The following MAP3K2 variants were observed in gnomAD, a reference collection of about 807,000 sequenced individuals.
The protein encoded by MAP3K2 is mitogen-activated protein kinase kinase kinase 2.
MAP3K2 carries 24 observed loss-of-function variants against 80.3 expected under a neutral mutation model. The ratio of observed to expected loss-of-function variants is 0.30; its 90% CI spans 0.22 to 0.42. The LOEUF is 0.42. MAP3K2 is among the 10% of genes least tolerant of loss of function. MAP3K2 has a pLI of 1.00. For missense variants in MAP3K2, 608 were observed against 750.1 expected, an observed-to-expected ratio of 0.81 and a Z score of 2.21; for synonymous variants, 244 against 253.7, an observed-to-expected ratio of 0.96 and a Z score of 0.36.
At chr2:127,370,422 G>C (rs1245552980) in intron 1 of MAP3K2, among the ~76,000 whole-genome samples, 3 of 152,204 alleles carry the variant, frequency 2.0e-5, no homozygotes, top group African/African-American at 4.8e-5. Flanking sequence ...CAGAACCCTT[G>C]AAAATGAAGG....
chr2:127,383,935 G>A (rs994620771), intron 1 of MAP3K2, among the ~76,000 whole-genome samples: 6 of 148,826 alleles, frequency 4.0e-5, no homozygotes, highest in African/African-American at 1.2e-4. Flanking sequence ...GTGCAGTGGC[G>A]CCATCTCTGC....
chr2:127,351,767 T>G (rs1178135789), intron 1 of MAP3K2, among the ~76,000 whole-genome samples: 1 of 152,128 alleles, frequency 6.6e-6, no homozygotes, highest in African/African-American at 2.4e-5. Flanking sequence ...ATGTTAATGC[T>G]CTCTCTCTGT....
chr2:127,303,135 T>A lies in MAP3K2; in HGVS notation c.*4444A>T, dbSNP rs1399566095. 1 of 152,000 alleles carries A rather than the reference T, an allele frequency of 6.6e-6. No homozygotes were observed. Among genetic ancestry groups the A allele is most frequent in the South Asian group, 2.1e-4 (1 of 4,826 alleles). The allele number at this position is 152,000 out of a possible 1,614,324, so 9.4% of individuals were successfully genotyped here. On this transcript the variant is annotated 3_prime_UTR_variant, in exon 17 of 17. Transcript: ENST00000682094. ...ATTAACATTTAACCAATCTTAAAAT[T>A]CAAATAAATATGAACATTACATTTG... is the stretch of plus-strand genomic sequence containing the variant.
intron 15 of MAP3K2, among the ~76,000 whole-genome samples, chr2:127,314,539 T>G (rs1455290847): frequency 1.3e-5 from 2 of 152,218 alleles, no homozygotes; most frequent in Non-Finnish European, 2.9e-5. Context: ...TAAACTTTAC[T>G]GGTTCTGTGA....
At position 127,387,490 on chromosome 2, in the gene MAP3K2, G is replaced by A. The variant is rs931352591; in HGVS notation, c.-104C>T. On this transcript the variant is annotated 5_prime_UTR_variant, in exon 1 of 17. Transcript: ENST00000682094. ...GGGACGTAGAGAGCCGCAGGCCCAAGGAGGGGCCGCCCCCGCCGAGCCCGC... is the reference window on the plus strand; with the variant it reads ...GGGACGTAGAGAGCCGCAGGCCCAAAGAGGGGCCGCCCCCGCCGAGCCCGC... 1.3e-5 allele frequency: 13 copies of A among 985,010 alleles called. No homozygotes were observed. Among genetic ancestry groups the A allele is most frequent in the Admixed American group, 6.2e-5 (1 of 16,224 alleles). The allele number at this position is 985,010 out of a possible 1,614,324, so 61.0% of individuals were successfully genotyped here. A position where few individuals can be genotyped will look rare whatever the true frequency, so the allele number is the denominator to read the frequency against.
intron 15 of MAP3K2, among the ~76,000 whole-genome samples, chr2:127,312,373 G>C (rs758570087): frequency 2.0e-4 from 30 of 152,244 alleles, no homozygotes; most frequent in Non-Finnish European, 3.1e-4. Flanking sequence ...GACTTCACGG[G>C]TCTAAATTGA....
chr2:127,386,441 T>C (rs1687348321), intron 1 of MAP3K2, among the ~76,000 whole-genome samples: 1 of 152,188 alleles, frequency 6.6e-6, no homozygotes, highest in African/African-American at 2.4e-5. Context: ...AACGAACAAA[T>C]CACTAAATTG....
chr2:127,321,952 C>T lies in MAP3K2; in HGVS notation c.1045+94G>A, dbSNP rs1324633678. 2.7e-6 allele frequency: 3 copies of T among 1,102,660 alleles called. No individual in the cohort carries two copies. Among genetic ancestry groups the T allele is most frequent in the African/African-American group, 3.1e-5 (2 of 63,998 alleles). 68.3% of individuals were successfully genotyped at this position (1,102,660 alleles called of 1,614,324 possible). ...ACCTTTTTTGAGTAGTTCATCTGACCCCAAAAACTCACTTAGTATTTATTC... is the reference window on the plus strand; with the variant it reads ...ACCTTTTTTGAGTAGTTCATCTGACTCCAAAAACTCACTTAGTATTTATTC... On this transcript the variant is annotated intron_variant, in intron 12 of 16. Transcript: ENST00000682094. This position sits in a 1 kb window ranked among gnomAD's most constrained non-coding sequence, Gnocchi z 4.4.
At chr2:127,326,879 A>G (rs1442306795) in intron 7 of MAP3K2, 62 bp from the exon 8 acceptor site, 2 of 1,066,834 alleles carry the variant, frequency 1.9e-6, no homozygotes, top group Non-Finnish European at 1.3e-6. Flanking sequence ...TTTGTTTTAA[A>G]TAGGCTATAT....
In MAP3K2 at chr2:127,321,448, T is replaced by A. The variant is rs1324653191; in HGVS notation, c.1045+598A>T. Reference sequence around the variant, plus strand: ...GACACACTAGCACACAAAAAGGAATTCAGAGTATGCAAATAGTGCTGCAAT... The same window carrying A: ...GACACACTAGCACACAAAAAGGAATACAGAGTATGCAAATAGTGCTGCAAT... On this transcript the variant is annotated intron_variant, in intron 12 of 16. Transcript: ENST00000682094. This position sits in a 1 kb window ranked among gnomAD's most constrained non-coding sequence, Gnocchi z 4.4. Among the ~76,000 whole-genome samples the A allele has an allele frequency of 6.6e-6, 1 of 152,192 alleles. No individual in the cohort carries two copies. The highest frequency in any genetic ancestry group is 1.9e-4 in the East Asian group (1 of 5,196).
chr2:127,306,198 A>G lies in MAP3K2; in HGVS notation c.*1381T>C, dbSNP rs1685695050. 6.6e-6 allele frequency: 1 copy of G among 152,076 alleles called. No homozygotes were observed. The allele number at this position is 152,076 out of a possible 1,614,324, so 9.4% of individuals were successfully genotyped here. A position where few individuals can be genotyped will look rare whatever the true frequency, so the allele number is the denominator to read the frequency against. ...TTTGCGACTTCCTTTTCTTTCTTGC[A>G]TTTACTGCTTTGTAAATAGCTGTTT... On this transcript the variant is annotated 3_prime_UTR_variant, in exon 17 of 17. Coordinates refer to ENST00000682094, the MANE Select transcript of MAP3K2 (RefSeq NM_001371910.2). The surrounding 1 kb of genome is among the most constrained non-coding windows in gnomAD (Gnocchi z 4.7).
At chr2:127,365,749 A>G (rs1686961380) in intron 1 of MAP3K2, among the ~76,000 whole-genome samples, 1 of 152,144 alleles carries the variant, frequency 6.6e-6, no homozygotes, top group Non-Finnish European at 1.5e-5. Flanking sequence ...TCACCTGTAA[A>G]CGCTGAGCTG....
intron 11 of MAP3K2, among the ~76,000 whole-genome samples, chr2:127,323,275 G>A (rs192310919): frequency 4.9e-4 from 75 of 151,998 alleles, no homozygotes; most frequent in Middle Eastern, 3.4e-3. Context: ...AGAATCGCTT[G>A]AACCCAGGAG....
intron 1 of MAP3K2, among the ~76,000 whole-genome samples, chr2:127,382,116 G>A (rs555489859): frequency 1.3e-5 from 2 of 152,306 alleles, no homozygotes; most frequent in South Asian, 2.1e-4. Flanking sequence ...TGGTGGGGAT[G>A]GGTGTACAAA....
chr2:127,326,242 T>C (rs1253864568), intron 8 of MAP3K2, among the ~76,000 whole-genome samples: 3 of 119,588 alleles, frequency 2.5e-5, no homozygotes, highest in Admixed American at 2.1e-4. Context: ...AGTGTGAACA[T>C]ATAATGCGAT....
intron 15 of MAP3K2, among the ~76,000 whole-genome samples, chr2:127,314,052 A>G (rs1003086882): frequency 6.6e-6 from 1 of 152,154 alleles, no homozygotes; most frequent in Non-Finnish European, 1.5e-5. Context: ...ACCTCCAGGT[A>G]TGTTTTGTAG....
At chr2:127,363,004 C>A (rs1686916735) in intron 1 of MAP3K2, among the ~76,000 whole-genome samples, 1 of 152,058 alleles carries the variant, frequency 6.6e-6, no homozygotes, top group African/African-American at 2.4e-5. Context: ...TAAAAAAACA[C>A]AAAAAATGCC....
At position 127,323,894 on chromosome 2, in the gene MAP3K2, A is replaced by G; in HGVS notation, c.838+8T>C. The G allele has an allele frequency of 7.2e-7, 1 of 1,379,410 alleles. No homozygotes were observed. Among genetic ancestry groups the G allele is most frequent in the Admixed American group, 2.4e-5 (1 of 42,004 alleles). The allele number at this position is 1,379,410 out of a possible 1,614,324, so 85.4% of individuals were successfully genotyped here. A position where few individuals can be genotyped will look rare whatever the true frequency, so the allele number is the denominator to read the frequency against. ...ACTATTCTTGTGGTCTAATTGCTAG[A>G]AACTTACCATCATTATACTCTTGAT... On this transcript the variant is annotated splice_region_variant and intron_variant, in intron 11 of 16. Transcript: ENST00000682094.
intron 7 of MAP3K2, among the ~76,000 whole-genome samples, chr2:127,328,834 C>G (rs973680456): frequency 2.0e-5 from 3 of 152,164 alleles, no homozygotes; most frequent in East Asian, 1.9e-4. Flanking sequence ...TGTTACCAAT[C>G]TTTTTTAGAT....
Sources: gnomAD v4.1 joint callset for allele counts (sites outside exome capture counted in the v4.1 genomes callset) on GRCh38, gnomAD v4.1.1 for gene constraint, Gnocchi (gnomAD v3.1) non-coding constraint, MANE v1.5 for transcripts, NCBI Gene and HGNC (gene_info 2026-07-23, HGNC 2026-07-21) for gene names.